The following SASH1 variants were observed in gnomAD, a reference collection of about 807,000 sequenced individuals.
SASH1 encodes the protein SAM and SH3 domain-containing protein 1.
In SASH1, 44 loss-of-function variants were observed where a neutral mutation model predicts 125.2. The ratio of observed to expected loss-of-function variants is 0.35; its 90% CI spans 0.28 to 0.45. The LOEUF (loss-of-function observed/expected upper bound fraction) is 0.45, where lower values mean the gene tolerates loss of function less well. Ranked by LOEUF, SASH1 falls within the 20% of genes least tolerant of loss-of-function variation. SASH1 has a pLI of 1.00. For missense variants in SASH1, 1,426 were observed against 1,614.5 expected (o/e 0.88, Z 2.00); for synonymous variants, 639 against 649.1 (o/e 0.98, Z 0.24).
At chr6:148,308,396 GC>G (rs1179187580) in intron 1 of SASH1, among the ~76,000 whole-genome samples, 3 of 139,136 alleles carry the variant, frequency 2.2e-5, no homozygotes, top group Non-Finnish European at 3.1e-5. Flanking sequence ...AAACTTAGGA[GC>G]TTTTTTTTTT....
chr6:148,549,482 T>C lies in SASH1; in HGVS notation c.*924T>C, dbSNP rs765142234. 23 of 396,888 alleles carry C rather than the reference T, an allele frequency of 5.8e-5. No individual in the cohort carries two copies. The highest frequency in any genetic ancestry group is 7.1e-5 in the Non-Finnish European group (16 of 224,728). 24.6% of individuals were successfully genotyped at this position (396,888 alleles called of 1,614,324 possible). A position where few individuals can be genotyped will look rare whatever the true frequency, so the allele number is the denominator to read the frequency against. On this transcript the variant is annotated 3_prime_UTR_variant, in exon 20 of 20. Transcript: ENST00000367467. ...GTTTTAACCAGTTTAGTATCGTTAC[T>C]GTGTGGATCGTCGCGCTGCAGTATT... is the stretch of plus-strand genomic sequence containing the variant.
intron 1 of SASH1, among the ~76,000 whole-genome samples, chr6:148,280,131 T>C (rs1156885598): frequency 6.8e-6 from 1 of 146,686 alleles, no homozygotes; most frequent in Non-Finnish European, 1.5e-5. Flanking sequence ...GCAAGGATTG[T>C]TCTTGTGCTT....
the SASH1 span, among the ~76,000 whole-genome samples, chr6:148,206,869 G>T: frequency 6.6e-6 from 1 of 150,900 alleles, no homozygotes; most frequent in Non-Finnish European, 1.5e-5. Flanking sequence ...AAAACATTCA[G>T]CTTGTTCATG....
intron 2 of SASH1, among the ~76,000 whole-genome samples, chr6:148,421,146 G>GAAGGAAGGAAGGAAGGAAGAAAAGAAAGA (rs1554254949): frequency 2.8e-5 from 2 of 71,192 alleles, no homozygotes; most frequent in Non-Finnish European, 6.2e-5. Flanking sequence ...AGGAAGGAAG[G>GAAGGAAGGAAGGAAGGAAGAAAAGAAAGA]AAGAAAGAAA....
At chr6:148,546,379 C>G (rs1583342698) in intron 19 of SASH1, among the ~76,000 whole-genome samples, 1 of 152,272 alleles carries the variant, frequency 6.6e-6, no homozygotes, top group South Asian at 2.1e-4. Flanking sequence ...TTTTAAAGAT[C>G]CGTCTAGTGC....
intron 1 of SASH1, among the ~76,000 whole-genome samples, chr6:148,289,252 T>A (rs1779562409): frequency 6.6e-6 from 1 of 151,960 alleles, no homozygotes; most frequent in Non-Finnish European, 1.5e-5. Flanking sequence ...ATTTTATACT[T>A]TGAGTTGATG....
chr6:148,429,478 C>T (rs1192457967), intron 2 of SASH1, among the ~76,000 whole-genome samples: 1 of 149,656 alleles, frequency 6.7e-6, no homozygotes, highest in Non-Finnish European at 1.5e-5. Flanking sequence ...AGGCCTAGGA[C>T]AGTTGTTCAC....
At chr6:148,324,461 C>T (rs1780743179) in intron 1 of SASH1, among the ~76,000 whole-genome samples, 1 of 152,132 alleles carries the variant, frequency 6.6e-6, no homozygotes, top group African/African-American at 2.4e-5. Context: ...AGAAACCTGA[C>T]ATTAGCCTTG....
chr6:148,249,243 G>A, the SASH1 span, among the ~76,000 whole-genome samples: 1 of 152,250 alleles, frequency 6.6e-6, no homozygotes, highest in Non-Finnish European at 1.5e-5. Flanking sequence ...ACGAATGAAT[G>A]ACAGCATAAT....
In SASH1 at chr6:148,531,583, C is replaced by CACTT; in HGVS notation, c.1487_1490dup (p.Asp498LeufsTer34). 1 of 1,579,414 alleles carries CACTT rather than the reference C, an allele frequency of 6.3e-7. No homozygotes were observed. The highest frequency in any genetic ancestry group is 8.6e-7 in the Non-Finnish European group (1 of 1,162,216). On this transcript the variant is annotated frameshift_variant, in exon 13 of 20. Transcript: ENST00000367467. LOFTEE classifies it high-confidence loss of function. ...TCCGCCTTCACAGCCCGACCCCGAA[C>CACTT]ACTTGGACAAGCCCAAGCTCAAGGC... is the stretch of plus-strand genomic sequence containing the variant.
In SASH1 at chr6:148,326,349, T is replaced by C. The variant is rs1438189470; in HGVS notation, n.74+53972T>C. On this transcript the variant is annotated intron_variant and non_coding_transcript_variant, in intron 1 of 3. Transcript: ENST00000367469. ...ATATATATATATATATATATATATA[T>C]ATATATATGCATATATATATATATA... 1.4e-4 allele frequency among the ~76,000 whole-genome samples: 12 copies of C among 86,586 alleles called. 1 individual carries two copies. Among genetic ancestry groups the C allele is most frequent in the African/African-American group, 4.5e-4 (10 of 22,290 alleles). 56.8% of individuals were successfully genotyped at this position (86,586 alleles called of 152,430 possible).
intron 1 of SASH1, among the ~76,000 whole-genome samples, chr6:148,313,597 T>C (rs1288315722): frequency 2.0e-5 from 3 of 152,164 alleles, no homozygotes; most frequent in Admixed American, 6.5e-5. Flanking sequence ...ATGTCGAGAC[T>C]TTTTACCCTT....
intron 16 of SASH1, among the ~76,000 whole-genome samples, chr6:148,536,074 A>C (rs1204965557): frequency 7.4e-6 from 1 of 134,962 alleles, no homozygotes; most frequent in African/African-American, 2.7e-5. Context: ...GATTTGGGAT[A>C]GATTTGGAGG....
At chr6:148,446,942 C>T (rs560920480) in intron 4 of SASH1, among the ~76,000 whole-genome samples, 1 of 152,328 alleles carries the variant, frequency 6.6e-6, no homozygotes, top group East Asian at 1.9e-4. Flanking sequence ...GAATGCATTG[C>T]TTATGCAAAT....
At chr6:148,395,011 C>A (rs1783893146) in intron 2 of SASH1, among the ~76,000 whole-genome samples, 2 of 152,136 alleles carry the variant, frequency 1.3e-5, no homozygotes, top group African/African-American at 4.8e-5. Flanking sequence ...GATGAAATAA[C>A]CTGTTAAAAG....
At chr6:148,379,907 C>T in intron 1 of SASH1, 1 of 456,490 alleles carries the variant, frequency 2.2e-6, no homozygotes, top group South Asian at 1.5e-5. Flanking sequence ...CTGCACTCAC[C>T]ACCCCTCCCA....
chr6:148,281,657 T>C (rs890686467), intron 1 of SASH1, among the ~76,000 whole-genome samples: 1 of 152,020 alleles, frequency 6.6e-6, no homozygotes, highest in Non-Finnish European at 1.5e-5. Flanking sequence ...GCGCGGTGGC[T>C]CACGCCTGTA....
chr6:148,387,025 C>T (rs1198348709), intron 1 of SASH1, among the ~76,000 whole-genome samples: 1 of 134,752 alleles, frequency 7.4e-6, no homozygotes, highest in African/African-American at 2.5e-5. Context: ...CTTGCTTTCT[C>T]TCTCTCTTTC....
the SASH1 span, among the ~76,000 whole-genome samples, chr6:148,205,127 C>T: frequency 2.6e-5 from 4 of 152,262 alleles, no homozygotes; most frequent in Admixed American, 2.6e-4. Context: ...CCTTTAAGTA[C>T]CTGCTGCTTT....
Sources: allele counts gnomAD v4.1 joint callset (sites outside exome capture counted in the v4.1 genomes callset), GRCh38; gene constraint gnomAD v4.1.1; transcripts MANE v1.5; gene names NCBI Gene and HGNC (gene_info 2026-07-23, HGNC 2026-07-21).